Variants in SMAP1 observed in about 807,000 individuals in gnomAD.
The protein encoded by SMAP1 is small ArfGAP 1.
SMAP1 carries 24 observed loss-of-function variants against 58.5 expected under a neutral mutation model. The observed-to-expected ratio is 0.41, with a 90% confidence interval of 0.30 to 0.58. SMAP1 has a LOEUF of 0.58. Among genes scored for constraint, SMAP1 ranks in the 20% least tolerant of loss-of-function variants. The pLI, the probability that SMAP1 is intolerant of heterozygous loss-of-function variation, is 0.29. For missense variants in SMAP1, 563 were observed against 566.3 expected, an observed-to-expected ratio of 0.99 and a Z score of 0.06; for synonymous variants, 216 against 196.6, an observed-to-expected ratio of 1.10 and a Z score of -0.82.
chr6:70,809,099 G>T (rs982354009), intron 6 of SMAP1, among the ~76,000 whole-genome samples: 1 of 151,968 alleles, frequency 6.6e-6, no homozygotes, highest in Non-Finnish European at 1.5e-5. Flanking sequence ...GCTTCTTGAC[G>T]TTTTTAAGAG....
In SMAP1 at chr6:70,851,534, G is replaced by C. The variant is rs191628436; in HGVS notation, c.665-1006G>C. Among the ~76,000 whole-genome samples the C allele has an allele frequency of 4.6e-5, 7 of 152,286 alleles. No homozygotes were observed. The East Asian group carries it at 1.3e-3, about 29-fold the overall frequency. ...AATTGTTAAGATAGAAGGTTAATTA[G>C]GCTATAACTCTCAAGAGGCTGGAGT... On this transcript the variant is annotated intron_variant, in intron 7 of 10. Transcript: ENST00000370455.
chr6:70,730,400 T>C (rs189712735), intron 1 of SMAP1, among the ~76,000 whole-genome samples: 11 of 152,354 alleles, frequency 7.2e-5, no homozygotes, highest in African/African-American at 2.4e-4. Flanking sequence ...ACTTACTTGC[T>C]AAAAATAATT....
In SMAP1 at chr6:70,861,725, C is replaced by T. The variant is rs1401021387; in HGVS notation, c.*1391C>T. On this transcript the variant is annotated 3_prime_UTR_variant, in exon 11 of 11. Coordinates refer to ENST00000370455, the MANE Select transcript of SMAP1 (RefSeq NM_001044305.3). ...GGCTCGTTGGCTAGATTAACCTTCT[C>T]TGTCCGAGTGTGCCACACGAGAACC... 1 of 1,614,142 alleles carries T rather than the reference C, an allele frequency of 6.2e-7. No homozygotes were observed. The highest frequency in any genetic ancestry group is 2.2e-5 in the East Asian group (1 of 44,872).
rs1370324014 is a variant in SMAP1, at chr6:70,790,041, A to G, written c.415-1648A>G. Among the ~76,000 whole-genome samples, 16 of 152,300 alleles carry G rather than the reference A, an allele frequency of 1.1e-4. No homozygotes were observed. In the South Asian group the frequency reaches 2.9e-3, roughly 28 times the overall value. ...AACTTTTGACATACTCAATGCCCGT[A>G]TTATCCTTTTATATTTTTGTTCCAC... is the stretch of plus-strand genomic sequence containing the variant. On this transcript the variant is annotated intron_variant, in intron 4 of 10. Transcript: ENST00000370455.
At chr6:70,793,977 C>T (rs564149408) in intron 5 of SMAP1, among the ~76,000 whole-genome samples, 77 of 152,244 alleles carry the variant, frequency 5.1e-4, no homozygotes, top group African/African-American at 1.6e-3. Context: ...AGGTGATCTG[C>T]CCACCTCAGC....
At chr6:70,819,352 A>G (rs1026219846) in intron 6 of SMAP1, among the ~76,000 whole-genome samples, 7 of 151,864 alleles carry the variant, frequency 4.6e-5, no homozygotes, top group African/African-American at 1.7e-4. Flanking sequence ...GAACCAGAGT[A>G]ACTATATGTT....
intron 1 of SMAP1, among the ~76,000 whole-genome samples, chr6:70,704,142 CTT>C (rs1445832934): frequency 4.6e-5 from 7 of 152,078 alleles, no homozygotes; most frequent in African/African-American, 1.7e-4. Flanking sequence ...TTTATTGAAA[CTT>C]ATATTTTTCC....
chr6:70,760,874 G>A (rs563203379), intron 3 of SMAP1, among the ~76,000 whole-genome samples: 18 of 152,134 alleles, frequency 1.2e-4, no homozygotes, highest in African/African-American at 4.1e-4. Context: ...GTGGGATGTG[G>A]TTAATTATAG....
chr6:70,755,311 CCT>C (rs1269192167), intron 3 of SMAP1, among the ~76,000 whole-genome samples: 2 of 151,872 alleles, frequency 1.3e-5, no homozygotes, highest in African/African-American at 4.8e-5. Flanking sequence ...ATTACAGACC[CCT>C]GATTCACAAT....
At chr6:70,745,613 C>G (rs1156551016) in intron 2 of SMAP1, among the ~76,000 whole-genome samples, 1 of 152,166 alleles carries the variant, frequency 6.6e-6, no homozygotes, top group Admixed American at 6.5e-5. Flanking sequence ...AGTGTGATGC[C>G]TCCAGCTTTG....
intron 10 of SMAP1, 58 bp downstream of exon 10, chr6:70,858,287 CTTTTTTTTTTTTTTTTT>C (rs68188898): frequency 2.4e-5 from 7 of 290,734 alleles, no homozygotes; most frequent in East Asian, 2.4e-4. Context: ...TTTTCTAAAT[CTTTTTTTTTTTTTTTTT>C]TTTTTTTTTT....
intron 3 of SMAP1, among the ~76,000 whole-genome samples, chr6:70,760,350 C>G (rs1766698167): frequency 6.6e-6 from 1 of 151,938 alleles, no homozygotes. Flanking sequence ...AGGTATTGAT[C>G]TTTATTGTTC....
At chr6:70,849,459 A>C (rs1255672907) in intron 7 of SMAP1, among the ~76,000 whole-genome samples, 1 of 152,142 alleles carries the variant, frequency 6.6e-6, no homozygotes, top group East Asian at 1.9e-4. Flanking sequence ...GAGAATATGG[A>C]CTTGTTTATA....
At chr6:70,719,658 T>G (rs946169501) in intron 1 of SMAP1, among the ~76,000 whole-genome samples, 2 of 152,000 alleles carry the variant, frequency 1.3e-5, no homozygotes, top group African/African-American at 4.8e-5. Context: ...GGACTTACAG[T>G]TCATATGGTC....
intron 7 of SMAP1, among the ~76,000 whole-genome samples, chr6:70,850,834 T>C (rs1488749509): frequency 6.6e-6 from 1 of 152,160 alleles, no homozygotes; most frequent in African/African-American, 2.4e-5. Context: ...TAATGTACTA[T>C]ACATCATGTA....
intron 4 of SMAP1, among the ~76,000 whole-genome samples, chr6:70,779,905 A>G (rs1767692108): frequency 6.6e-6 from 1 of 152,228 alleles, no homozygotes; most frequent in South Asian, 2.1e-4. Context: ...CACAGAGACC[A>G]TAGTAAATCA....
chr6:70,834,748 G>C (rs993121201), intron 6 of SMAP1, among the ~76,000 whole-genome samples: 8 of 152,162 alleles, frequency 5.3e-5, no homozygotes, highest in African/African-American at 1.4e-4. Flanking sequence ...GTAGCAGATT[G>C]AGTAATCAGT....
At chr6:70,744,028 A>G (rs1017019344) in intron 2 of SMAP1, among the ~76,000 whole-genome samples, 2 of 152,218 alleles carry the variant, frequency 1.3e-5, no homozygotes, top group Admixed American at 1.3e-4. Context: ...TAAACTTTAA[A>G]TAAGGTCAGT....
intron 6 of SMAP1, among the ~76,000 whole-genome samples, chr6:70,808,694 C>T (rs554829284): frequency 7.4e-4 from 112 of 152,288 alleles, no homozygotes; most frequent in Middle Eastern, 3.4e-3. Context: ...TGATTCCAAA[C>T]ATCATCTAAC....
Sources: allele counts gnomAD v4.1 joint callset (sites outside exome capture counted in the v4.1 genomes callset), GRCh38; gene constraint gnomAD v4.1.1; transcripts MANE v1.5; gene names NCBI Gene and HGNC (gene_info 2026-07-23, HGNC 2026-07-21).